The following GCSAML variants were observed in gnomAD, a reference collection of about 807,000 sequenced individuals.
GCSAML encodes the protein germinal center-associated signaling and motility-like protein.
GCSAML carries 9 observed loss-of-function variants against 13.0 expected under a neutral mutation model. That is an observed-to-expected ratio of 0.69 (90% CI 0.42 to 1.21). The LOEUF is 1.21. GCSAML is among the 50% of genes most tolerant of loss of function. The pLI is 0.00. For missense variants in GCSAML, 143 were observed against 153.4 expected (o/e 0.93, Z 0.36); for synonymous variants, 37 against 52.9 (o/e 0.70, Z 1.31).
At chr1:247,550,545 G>A (rs1360899625) in intron 1 of GCSAML, among the ~76,000 whole-genome samples, 1 of 152,140 alleles carries the variant, frequency 6.6e-6, no homozygotes, top group Non-Finnish European at 1.5e-5. Context: ...GCTGGGGCAG[G>A]AGAATGGCGT....
intron 2 of GCSAML, among the ~76,000 whole-genome samples, chr1:247,542,734 C>A (rs925013575): frequency 3.9e-5 from 6 of 152,160 alleles, no homozygotes; most frequent in Admixed American, 6.5e-5. Context: ...TCCTCTTCTA[C>A]AAAGAATGTC....
chr1:247,523,997 TACACACACAC>T lies in GCSAML; in HGVS notation c.-262-2920_-262-2911del, dbSNP rs34257635. Among the ~76,000 whole-genome samples the T allele has an allele frequency of 7.9e-4, 117 of 147,852 alleles. 2 individuals carry two copies. In the East Asian group the frequency reaches 0.02, roughly 26 times the overall value. On this transcript the variant is annotated intron_variant, in intron 1 of 5. Transcript: ENST00000366489. ...AACATTTGGAAAACAACATCTGTCT[TACACACACAC>T]ACACACACACACACACACACACTCT...
At chr1:247,520,191 G>C (rs1336687510) in intron 1 of GCSAML, among the ~76,000 whole-genome samples, 1 of 152,108 alleles carries the variant, frequency 6.6e-6, no homozygotes, top group East Asian at 1.9e-4. Context: ...TTGTGTCAAC[G>C]TGACTAGGCT....
intron 4 of GCSAML, 100 bp downstream of exon 4, chr1:247,566,059 T>C (rs1668342959): frequency 1.4e-6 from 1 of 736,416 alleles, no homozygotes; most frequent in Admixed American, 3.4e-5. Flanking sequence ...AAGAGTAGCA[T>C]CTGTCTTCCT....
At position 247,570,004 on chromosome 1, in the gene GCSAML, A is replaced by T. The variant is rs929187416; in HGVS notation, c.168+4045A>T. Among the ~76,000 whole-genome samples the T allele has an allele frequency of 3.9e-5, 6 of 152,106 alleles. No individual in the cohort carries two copies. The East Asian group carries it at 1.2e-3, about 29-fold the overall frequency. ...CTAGTTTATTTGTGTAGAAATGTTT[A>T]TAGTATTCTCTGATGGTAGTTTGTA... On this transcript the variant is annotated intron_variant, in intron 4 of 4. Coordinates refer to ENST00000366488, the MANE Select transcript of GCSAML (RefSeq NM_145278.5).
intron 1 of GCSAML, among the ~76,000 whole-genome samples, chr1:247,512,871 C>T (rs1005367104): frequency 3.3e-5 from 5 of 152,128 alleles, no homozygotes; most frequent in Admixed American, 2.0e-4. Flanking sequence ...GCTGCCTGTT[C>T]GTTCCTCTGG....
chr1:247,546,133 AAAG>A (rs887808674), upstream of GCSAML, among the ~76,000 whole-genome samples: 48 of 133,092 alleles, frequency 3.6e-4, no homozygotes, highest in African/African-American at 1.6e-3. Flanking sequence ...GCTAGGAAAG[AAAG>A]AAATAAATTT....
In GCSAML at chr1:247,565,972, CA is replaced by C; in HGVS notation, c.168+18del. 1 of 1,505,138 alleles carries C rather than the reference CA, an allele frequency of 6.6e-7. No individual in the cohort carries two copies. Among genetic ancestry groups the C allele is most frequent in the Non-Finnish European group, 8.8e-7 (1 of 1,131,866 alleles). 93.2% of individuals were successfully genotyped at this position (1,505,138 alleles called of 1,614,324 possible). On this transcript the variant is annotated intron_variant, in intron 4 of 4. Transcript: ENST00000366488. ...CACTTCTAATCAGGTAAGTAGAAAA[CA>C]AAAAGCAAGACAAAAGAAAAACACA...
chr1:247,538,635 T>A (rs985752291), intron 2 of GCSAML: 3 of 411,586 alleles, frequency 7.3e-6, no homozygotes, highest in Non-Finnish European at 1.5e-5. Context: ...CTATCTTCCC[T>A]CCCTGCCTAC....
At chr1:247,520,092 T>TA (rs754879946) in intron 1 of GCSAML, among the ~76,000 whole-genome samples, 15 of 152,154 alleles carry the variant, frequency 9.9e-5, no homozygotes, top group Non-Finnish European at 1.9e-4. Context: ...AAATTTACAC[T>TA]AAAAAAAGGT....
intron 2 of GCSAML, among the ~76,000 whole-genome samples, chr1:247,561,352 T>C (rs56219932): frequency 0.23 from 34,366 of 152,178 alleles, 6,607 homozygotes; most frequent in African/African-American, 0.52. Context: ...TCAGAGTACT[T>C]GTGATATCCA....
At chr1:247,566,672 A>G (rs1054960317) in intron 4 of GCSAML, among the ~76,000 whole-genome samples, 2 of 152,198 alleles carry the variant, frequency 1.3e-5, no homozygotes, top group Non-Finnish European at 2.9e-5. Context: ...CCTTATATCC[A>G]GGAATTAGCA....
At chr1:247,548,158 G>A (rs1667640490), upstream of GCSAML, among the ~76,000 whole-genome samples, 2 of 152,332 alleles carry the variant, frequency 1.3e-5, no homozygotes, top group East Asian at 1.9e-4. This position sits in a 1 kb window ranked among gnomAD's most constrained non-coding sequence, Gnocchi z 5.3. Flanking sequence ...GTGTTGGTTG[G>A]AAGCTGAAGA....
chr1:247,521,804 C>T (rs957369160), intron 1 of GCSAML, among the ~76,000 whole-genome samples: 5 of 152,196 alleles, frequency 3.3e-5, no homozygotes, highest in South Asian at 2.1e-4. Context: ...GCCACCACCC[C>T]GTCTGGGAAG....
At chr1:247,551,869 T>C (rs1667789687) in intron 1 of GCSAML, among the ~76,000 whole-genome samples, 1 of 152,218 alleles carries the variant, frequency 6.6e-6, no homozygotes, top group Admixed American at 6.5e-5. Flanking sequence ...AGTCTTGTTC[T>C]GTCTGTTTAG....
intron 2 of GCSAML, among the ~76,000 whole-genome samples, chr1:247,534,297 T>C (rs1421536501): frequency 1.3e-5 from 2 of 152,242 alleles, no homozygotes. Flanking sequence ...TGATACACAG[T>C]AGTCCCTTAA....
At chr1:247,570,952 C>T (rs12131868) in intron 4 of GCSAML, among the ~76,000 whole-genome samples, 19,556 of 152,164 alleles carry the variant, frequency 0.13, 1,577 homozygotes, top group Admixed American at 0.18. Flanking sequence ...AATCCCTTTA[C>T]CGTTATGTAA....
chr1:247,515,622 G>T (rs189237194), intron 1 of GCSAML, among the ~76,000 whole-genome samples: 215 of 152,240 alleles, frequency 1.4e-3, no homozygotes, highest in Admixed American at 2.4e-3. Flanking sequence ...TGACTAGGAG[G>T]CCTCAGGAAA....
chr1:247,512,483 T>C (rs966574644), intron 1 of GCSAML, among the ~76,000 whole-genome samples: 1 of 152,132 alleles, frequency 6.6e-6, no homozygotes, highest in Non-Finnish European at 1.5e-5. Flanking sequence ...GAGTTTGTTA[T>C]TGCCCACCTT....
Sources: gnomAD v4.1 joint callset for allele counts (sites outside exome capture counted in the v4.1 genomes callset) on GRCh38, gnomAD v4.1.1 for gene constraint, Gnocchi (gnomAD v3.1) non-coding constraint, MANE v1.5 for transcripts, NCBI Gene and HGNC (gene_info 2026-07-23, HGNC 2026-07-21) for gene names.